SLU7: variants seen among roughly 807,000 people sequenced by gnomAD.
The protein encoded by SLU7 is spliceosome associated SLU7, also known as pre-mRNA-splicing factor SLU7.
SLU7 carries 60 observed loss-of-function variants against 87.0 expected under a neutral mutation model. That is an observed-to-expected ratio of 0.69 (90% CI 0.56 to 0.86). SLU7 has a LOEUF of 0.86. SLU7 is among the 40% of genes least tolerant of loss of function. The probability of loss-of-function intolerance (pLI) is 0.00; values close to 1 mark genes in which losing one functional copy is unlikely to be tolerated. For missense variants in SLU7, 507 were observed against 686.6 expected, an observed-to-expected ratio of 0.74 and a Z score of 2.92; for synonymous variants, 197 against 222.0, an observed-to-expected ratio of 0.89 and a Z score of 1.00.
chr5:160,416,893 G>A (rs934379867), intron 1 of SLU7, among the ~76,000 whole-genome samples: 1 of 152,138 alleles, frequency 6.6e-6, no homozygotes, highest in African/African-American at 2.4e-5. Context: ...CAAGTGTTGT[G>A]GGAGAGACCG....
intron 6 of SLU7, among the ~76,000 whole-genome samples, chr5:160,411,695 CTATT>C (rs1293209929): frequency 6.6e-6 from 1 of 151,916 alleles, no homozygotes; most frequent in Non-Finnish European, 1.5e-5. Flanking sequence ...TAAATGTTTA[CTATT>C]TATTTGTGCC....
In SLU7 at chr5:160,414,479, T is replaced by C; in HGVS notation, c.171-7A>G. 1.3e-6 allele frequency: 2 copies of C among 1,518,878 alleles called. No individual in the cohort carries two copies. The highest frequency in any genetic ancestry group is 1.8e-6 in the Non-Finnish European group (2 of 1,135,844). The allele number at this position is 1,518,878 out of a possible 1,614,324, so 94.1% of individuals were successfully genotyped here. A position where few individuals can be genotyped will look rare whatever the true frequency, so the allele number is the denominator to read the frequency against. On this transcript the variant is annotated splice_polypyrimidine_tract_variant and splice_region_variant and intron_variant, in intron 2 of 15. Transcript: ENST00000297151. The stretch of plus-strand genomic sequence containing the variant: ...AATATGGGGGTTGATGTCTCTGTAA[T>C]TAAAGTAAAAAAAAAAAAAATTTAA...
intron 2 of SLU7, 28 bp from the exon 3 acceptor site, chr5:160,414,500 T>A (rs563463617): frequency 1.0e-4 from 131 of 1,297,338 alleles, no homozygotes; most frequent in African/African-American, 5.3e-4. Context: ...AAAAAAAAAA[T>A]TTAAGGATAA....
chr5:160,406,677 C>A (rs769544813), intron 11 of SLU7, 48 bp from the exon 12 acceptor site: 40 of 1,332,942 alleles, frequency 3.0e-5, no homozygotes, highest in Non-Finnish European at 3.8e-5. Flanking sequence ...ACCTGATTTG[C>A]ATTTAAATTT....
rs745954645 is a variant in SLU7 at position 160,412,514 on chromosome 5, T to C, written c.576A>G (p.Lys192=). 7.6e-7 allele frequency: 1 copy of C among 1,323,546 alleles called. No individual in the cohort carries two copies. 82.0% of individuals were successfully genotyped at this position (1,323,546 alleles called of 1,614,324 possible). A position where few individuals can be genotyped will look rare whatever the true frequency, so the allele number is the denominator to read the frequency against. ...GGAGTTTCTGGGCTTTCAATGTTCG[T>C]TTTGCCTTTAAAAAAAAAAAAAAGA... ...VEEYAKVDLA[K]RTLKAQKLQE... The change falls in exon 6 of 16, where the codon AAA becomes AAG. Residue 192 remains lysine (K), a synonymous_variant. Coordinates refer to ENST00000297151, the MANE Select transcript of SLU7 (RefSeq NM_006425.5).
chr5:160,409,305 T>G (rs964125023), intron 6 of SLU7, among the ~76,000 whole-genome samples: 5 of 152,176 alleles, frequency 3.3e-5, no homozygotes, highest in Non-Finnish European at 7.4e-5. Flanking sequence ...GGATACACTT[T>G]TCTTCGCTAG....
chr5:160,413,855 A>C (rs1331590403), intron 4 of SLU7, 44 bp downstream of exon 4: 1 of 1,341,312 alleles, frequency 7.5e-7, no homozygotes. Flanking sequence ...AGAAAAAAGA[A>C]AGACTCTGAC....
chr5:160,409,154 G>A (rs1581066199), intron 6 of SLU7, among the ~76,000 whole-genome samples: 3 of 151,830 alleles, frequency 2.0e-5, no homozygotes, highest in Admixed American at 1.3e-4. Context: ...TTCATTAAAC[G>A]TTACTAGTTT....
chr5:160,410,150 A>G (rs1021698838), intron 6 of SLU7, among the ~76,000 whole-genome samples: 4 of 152,242 alleles, frequency 2.6e-5, no homozygotes, highest in Non-Finnish European at 4.4e-5. Context: ...TCTAGCACAC[A>G]TGAACAGGTA....
chr5:160,408,668 C>A lies in SLU7; in HGVS notation c.669G>T (p.Glu223Asp). Residue 223 changes from glutamate (E) to aspartate (D), a missense_variant, in exon 7 of 16, where the codon GAG becomes GAT. Coordinates refer to ENST00000297151, the MANE Select transcript of SLU7 (RefSeq NM_006425.5). ...ANSPKHQWGE[E>D]EPNSQMEKDH... ...GTATTACCATCTGAGAATTTGGTTC[C>A]TCTTCTCCCCACTGGTGTTTTGGAG... The A allele has an allele frequency of 6.4e-7, 1 of 1,574,218 alleles. No homozygotes were observed. The highest frequency in any genetic ancestry group is 8.7e-7 in the Non-Finnish European group (1 of 1,152,594).
Position 160,403,385 on chromosome 5 carries a change from C to G in SLU7, c.1661G>C (p.Ser554Thr), listed in dbSNP as rs774332325. 2.5e-6 allele frequency: 4 copies of G among 1,613,498 alleles called. No individual in the cohort carries two copies. The South Asian group carries it at 4.4e-5, about 18-fold the overall frequency. The stretch of plus-strand genomic sequence containing the variant: ...AGTAGGTTCTCGAGTTTCATACATG[C>G]TATTGTAAGGCCGCTTCCTCTCATC... Reference protein sequence around the residue: ...QIDERKRPYNSMYETREPTEE... With the variant: ...QIDERKRPYNTMYETREPTEE... The change falls in exon 16 of 16, where the codon AGC (serine) becomes ACC (threonine). Residue 554 changes from serine (S) to threonine (T), a missense_variant. Ser to Thr is a moderately conservative substitution (Grantham distance 58). Transcript: ENST00000297151.
At chr5:160,413,430 C>T in intron 5 of SLU7, 26 bp downstream of exon 5, 2 of 1,607,172 alleles carry the variant, frequency 1.2e-6, no homozygotes, top group Non-Finnish European at 1.7e-6. Flanking sequence ...TTTAAAAACC[C>T]CAGGAAAGCA....
rs1304294230 is a variant in SLU7, at chr5:160,402,552, C to G, written c.*733G>C. On this transcript the variant is annotated 3_prime_UTR_variant, in exon 16 of 16. Coordinates refer to ENST00000297151, the MANE Select transcript of SLU7 (RefSeq NM_006425.5). Reference sequence around the variant, plus strand: ...AAAAATAAATGTAGTCACAGAGTTGCTAGTAATTATTTAAAAAAACAAAGC... The same window carrying G: ...AAAAATAAATGTAGTCACAGAGTTGGTAGTAATTATTTAAAAAAACAAAGC... 1 of 151,920 alleles carries G rather than the reference C, an allele frequency of 6.6e-6. No individual in the cohort carries two copies. Among genetic ancestry groups the G allele is most frequent in the Non-Finnish European group, 1.5e-5 (1 of 68,016 alleles). 9.4% of individuals were successfully genotyped at this position (151,920 alleles called of 1,614,324 possible).
rs1764850678 is a variant in SLU7 at position 160,403,034 on chromosome 5, T to A, written c.*251A>T. 4 of 270,358 alleles carry A rather than the reference T, an allele frequency of 1.5e-5. No individual in the cohort carries two copies. Among genetic ancestry groups the A allele is most frequent in the Middle Eastern group, 1.0e-3 (1 of 964 alleles). The allele number at this position is 270,358 out of a possible 1,614,324, so 16.7% of individuals were successfully genotyped here. A position where few individuals can be genotyped will look rare whatever the true frequency, so the allele number is the denominator to read the frequency against. On this transcript the variant is annotated 3_prime_UTR_variant, in exon 16 of 16. Transcript: ENST00000297151. ...CGTCTCAAAAAAAAAAATAAATAAA[T>A]AAAAAAAACTGGAAATAAAATCTTA...
Position 160,404,421 on chromosome 5 carries a change from T to C in SLU7, c.1581+19A>G. 1 of 1,412,546 alleles carries C rather than the reference T, an allele frequency of 7.1e-7. No homozygotes were observed. Among genetic ancestry groups the C allele is most frequent in the Non-Finnish European group, 9.9e-7 (1 of 1,007,704 alleles). The allele number at this position is 1,412,546 out of a possible 1,614,324, so 87.5% of individuals were successfully genotyped here. ...ATACTGCTACTTGTCACTTTTACTA[T>C]TTAGACTTCACAAATTACCTTTTTC... On this transcript the variant is annotated intron_variant, in intron 15 of 15. Transcript: ENST00000297151.
Position 160,405,010 on chromosome 5 carries a change from GA to G in SLU7, c.1392+20del, listed in dbSNP as rs1442770755. The G allele has an allele frequency of 2.5e-6, 4 of 1,581,830 alleles. No individual in the cohort carries two copies. In the African/African-American group the frequency reaches 5.4e-5, roughly 21 times the overall value. The stretch of plus-strand genomic sequence containing the variant: ...AGCTTCGGTTGTTTTATACCTTTAA[GA>G]ACCAAAGACAATTACTTACAACAAT... On this transcript the variant is annotated intron_variant, in intron 13 of 15. Coordinates refer to ENST00000297151, the MANE Select transcript of SLU7 (RefSeq NM_006425.5).
At position 160,408,075 on chromosome 5, in the gene SLU7, G is replaced by GA. The variant is rs1364132424; in HGVS notation, c.820-8dup. The GA allele has an allele frequency of 1.3e-5, 20 of 1,560,728 alleles. No homozygotes were observed. The highest frequency in any genetic ancestry group is 1.7e-5 in the Non-Finnish European group (19 of 1,133,736). On this transcript the variant is annotated splice_polypyrimidine_tract_variant and splice_region_variant and intron_variant, in intron 8 of 15. Coordinates refer to ENST00000297151, the MANE Select transcript of SLU7 (RefSeq NM_006425.5). ...GATCTAAATTCCTCAAATACTAGAAGAAAAAAATATTTAAAGAATTAATGT... is the reference window on the plus strand; with the variant it reads ...GATCTAAATTCCTCAAATACTAGAAGAAAAAAAATATTTAAAGAATTAATGT...
intron 1 of SLU7, 73 bp from the exon 2 acceptor site, chr5:160,415,383 C>T: frequency 8.9e-7 from 1 of 1,117,820 alleles, no homozygotes; most frequent in Non-Finnish European, 1.3e-6. Context: ...AAAATACATC[C>T]TAATAATATA....
Position 160,403,014 on chromosome 5 carries a change from CAAA to C in SLU7, c.*268_*270del. 1 of 180,656 alleles carries C rather than the reference CAAA, an allele frequency of 5.5e-6. No individual in the cohort carries two copies. Among genetic ancestry groups the C allele is most frequent in the Non-Finnish European group, 1.1e-5 (1 of 90,842 alleles). 11.2% of individuals were successfully genotyped at this position (180,656 alleles called of 1,614,324 possible). A position where few individuals can be genotyped will look rare whatever the true frequency, so the allele number is the denominator to read the frequency against. On this transcript the variant is annotated 3_prime_UTR_variant, in exon 16 of 16. Transcript: ENST00000297151. ...TGGGCGACAGAGCAAGACTCCGTCTCAAAAAAAAAAATAAATAAATAAAAAAAA... is the reference window on the plus strand; with the variant it reads ...TGGGCGACAGAGCAAGACTCCGTCTCAAAAAAAATAAATAAATAAAAAAAA...
Sources: gnomAD v4.1 joint callset for allele counts (sites outside exome capture counted in the v4.1 genomes callset) on GRCh38, gnomAD v4.1.1 for gene constraint, MANE v1.5 for transcripts, NCBI Gene and HGNC (gene_info 2026-07-23, HGNC 2026-07-21) for gene names.